ADAMTS17: variants seen among roughly 807,000 people sequenced by gnomAD.
ADAMTS17 encodes the protein A disintegrin and metalloproteinase with thrombospondin motifs 17.
Under a neutral mutation model 141.5 loss-of-function variants are expected in ADAMTS17, and 113 were observed. That is an observed-to-expected ratio of 0.80 (90% CI 0.69 to 0.93). The LOEUF is 0.93. Ranked by LOEUF, ADAMTS17 falls within the 40% of genes least tolerant of loss-of-function variation. The pLI is 0.00. For missense variants in ADAMTS17, 1,659 were observed against 1,517.9 expected (o/e 1.09, Z -1.54); for synonymous variants, 768 against 630.6 (o/e 1.22, Z -3.27).
At chr15:100,133,111 T>C in intron 11 of ADAMTS17, 103 bp downstream of exon 11, 3 of 1,171,734 alleles carry the variant, frequency 2.6e-6, no homozygotes, top group Non-Finnish European at 3.6e-6. Context: ...GGGGGATGTT[T>C]CAGGGGCTCC....
intron 3 of ADAMTS17, among the ~76,000 whole-genome samples, chr15:100,311,555 C>T (rs777598443): frequency 2.0e-5 from 3 of 152,122 alleles, no homozygotes; most frequent in Non-Finnish European, 2.9e-5. Context: ...TAAAGTGGGG[C>T]GGGCGTGTGT....
At chr15:100,173,038 C>A (rs116743827) in intron 8 of ADAMTS17, among the ~76,000 whole-genome samples, 3 of 152,092 alleles carry the variant, frequency 2.0e-5, no homozygotes, top group East Asian at 1.9e-4. Context: ...TAAGCCCAAG[C>A]GGTCTAAGGG....
intron 3 of ADAMTS17, among the ~76,000 whole-genome samples, chr15:100,323,084 C>CAAAAAAAAAAAAAAAAAAAAAAAAAA (rs60468549): frequency 9.3e-6 from 1 of 107,486 alleles, no homozygotes; most frequent in Non-Finnish European, 1.8e-5. Flanking sequence ...GACTCCGTCT[C>CAAAAAAAAAAAAAAAAAAAAAAAAAA]AAAAAAAAAA....
chr15:99,988,142 G>C (rs1476394261), intron 20 of ADAMTS17, among the ~76,000 whole-genome samples: 2 of 152,044 alleles, frequency 1.3e-5, no homozygotes, highest in Non-Finnish European at 2.9e-5. Flanking sequence ...GACAGTGGCT[G>C]ATACAGTTTG....
chr15:100,118,357 G>A (rs2037271546), intron 12 of ADAMTS17, among the ~76,000 whole-genome samples: 1 of 152,218 alleles, frequency 6.6e-6, no homozygotes, highest in Non-Finnish European at 1.5e-5. Context: ...ATATCCTGAG[G>A]AGAAAGGCCC....
intron 18 of ADAMTS17, among the ~76,000 whole-genome samples, chr15:100,013,187 G>A (rs545280183): frequency 2.0e-5 from 3 of 152,158 alleles, no homozygotes; most frequent in Non-Finnish European, 4.4e-5. Context: ...TCTCTGCTTG[G>A]TCGCTTTTGG....
chr15:100,131,975 C>T (rs745824964), intron 12 of ADAMTS17, 32 bp downstream of exon 12: 40 of 1,613,966 alleles, frequency 2.5e-5, no homozygotes, highest in Admixed American at 8.3e-5. Flanking sequence ...CCAATCGTGG[C>T]ACGTTGGGGT....
intron 18 of ADAMTS17, among the ~76,000 whole-genome samples, chr15:100,001,139 T>A (rs2060913676): frequency 6.6e-6 from 1 of 152,106 alleles, no homozygotes; most frequent in South Asian, 2.1e-4. Flanking sequence ...TCACTAGACT[T>A]CTGGGCCTTC....
chr15:100,169,117 C>T (rs1310704132), intron 8 of ADAMTS17, among the ~76,000 whole-genome samples: 2 of 152,220 alleles, frequency 1.3e-5, no homozygotes, highest in African/African-American at 4.8e-5. Flanking sequence ...GTGAAGGTTG[C>T]TACTCATTCA....
intron 7 of ADAMTS17, among the ~76,000 whole-genome samples, chr15:100,222,100 G>A (rs555244467): frequency 6.6e-6 from 1 of 152,336 alleles, no homozygotes; most frequent in East Asian, 1.9e-4. Context: ...ACCACTGCAG[G>A]AGCGGGATCA....
At chr15:100,088,051 C>T (rs910138348) in intron 15 of ADAMTS17, among the ~76,000 whole-genome samples, 1 of 152,184 alleles carries the variant, frequency 6.6e-6, no homozygotes, top group South Asian at 2.1e-4. Context: ...GTCAAATTGT[C>T]CCTGTTTGCA....
intron 3 of ADAMTS17, among the ~76,000 whole-genome samples, chr15:100,302,995 G>A (rs1361772658): frequency 6.6e-6 from 1 of 151,788 alleles, no homozygotes; most frequent in Non-Finnish European, 1.5e-5. Flanking sequence ...AAGTTCTTCA[G>A]TTTTGGAACT....
rs58693154 is a variant in ADAMTS17, at chr15:100,159,014, G to A, written c.1182-3694C>T. 5.3e-3 allele frequency among the ~76,000 whole-genome samples: 812 copies of A among 152,188 alleles called. 7 individuals are homozygous for A. The highest frequency in any genetic ancestry group is 0.018 in the African/African-American group (753 of 41,520). On this transcript the variant is annotated intron_variant, in intron 8 of 21. Coordinates refer to ENST00000268070, the MANE Select transcript of ADAMTS17 (RefSeq NM_139057.4). ...AGAGAAATTAAAACCCCTGCATGGC[G>A]TTGGTAAGAATGCAAAATGGTATAG...
chr15:99,991,277 C>T (rs2060684849), intron 20 of ADAMTS17, among the ~76,000 whole-genome samples: 1 of 152,050 alleles, frequency 6.6e-6, no homozygotes, highest in South Asian at 2.1e-4. Flanking sequence ...TCCATCTGAC[C>T]AAAGGCTAAT....
intron 3 of ADAMTS17, among the ~76,000 whole-genome samples, chr15:100,286,445 C>A (rs986496728): frequency 3.3e-5 from 5 of 152,140 alleles, no homozygotes; most frequent in African/African-American, 1.2e-4. Flanking sequence ...GGCCAGCAGA[C>A]CGGGAACACC....
chr15:100,161,027 C>T (rs976656068), intron 8 of ADAMTS17, among the ~76,000 whole-genome samples: 27 of 152,154 alleles, frequency 1.8e-4, no homozygotes, highest in African/African-American at 6.5e-4. Context: ...TAAGTATGCC[C>T]AGTAATTTTA....
chr15:100,215,349 G>A (rs1211216421), intron 7 of ADAMTS17, among the ~76,000 whole-genome samples: 2 of 152,200 alleles, frequency 1.3e-5, no homozygotes, highest in African/African-American at 4.8e-5. Flanking sequence ...ACATCTACCA[G>A]ATGGATTAGG....
At chr15:100,008,555 G>T (rs997489785) in intron 18 of ADAMTS17, among the ~76,000 whole-genome samples, 1 of 152,238 alleles carries the variant, frequency 6.6e-6, no homozygotes, top group African/African-American at 2.4e-5. Context: ...GCTTGGCCTT[G>T]GCCAGCGCTG....
chr15:100,206,928 G>A (rs1482754370), intron 7 of ADAMTS17, among the ~76,000 whole-genome samples: 7 of 152,218 alleles, frequency 4.6e-5, no homozygotes, highest in South Asian at 2.1e-4. Context: ...CACGAGCGGA[G>A]GCTGCTCAAC....
Sources: gnomAD v4.1 joint callset for allele counts (sites outside exome capture counted in the v4.1 genomes callset) on GRCh38, gnomAD v4.1.1 for gene constraint, MANE v1.5 for transcripts, NCBI Gene and HGNC (gene_info 2026-07-23, HGNC 2026-07-21) for gene names.